DDX46: variants seen among roughly 807,000 people sequenced by gnomAD.
The protein encoded by DDX46 is DEAD-box helicase 46, also known as probable ATP-dependent RNA helicase DDX46.
DDX46 carries 30 observed loss-of-function variants against 134.9 expected under a neutral mutation model. The ratio of observed to expected loss-of-function variants is 0.22; its 90% CI spans 0.17 to 0.30. DDX46 has a LOEUF of 0.30. DDX46 is among the 10% of genes least tolerant of loss of function. DDX46 has a pLI of 1.00. For missense variants in DDX46, 622 were observed against 1,248.7 expected, an observed-to-expected ratio of 0.50 and a Z score of 7.56; for synonymous variants, 415 against 404.1, an observed-to-expected ratio of 1.03 and a Z score of -0.32.
rs551286341 is a variant in DDX46 at position 134,822,507 on chromosome 5, A to C, written c.2977+3503A>C. ...GCCACCATGCCTGGCTAATGAAAAA[A>C]ATTTTTTTTTCTAGAGACAGGGTCT... On this transcript the variant is annotated intron_variant, in intron 21 of 22. Coordinates refer to ENST00000452510, the MANE Select transcript of DDX46 (RefSeq NM_001300860.2). 7.1e-4 allele frequency among the ~76,000 whole-genome samples: 108 copies of C among 152,046 alleles called. 1 individual carries two copies. The highest frequency in any genetic ancestry group is 6.9e-3 in the Admixed American group (106 of 15,252).
At chr5:134,799,746 A>G (rs1435623851) in intron 15 of DDX46, among the ~76,000 whole-genome samples, 3 of 151,772 alleles carry the variant, frequency 2.0e-5, no homozygotes, top group Non-Finnish European at 2.9e-5. Context: ...CTCAAGAAAA[A>G]AAAAAAAAAA....
At chr5:134,825,727 C>A (rs1755572383) in intron 21 of DDX46, 1 of 152,174 alleles carries the variant, frequency 6.6e-6, no homozygotes, top group South Asian at 2.1e-4. Flanking sequence ...TCCATTGGCT[C>A]CAGATTCTAC....
intron 15 of DDX46, among the ~76,000 whole-genome samples, chr5:134,800,109 G>T (rs1212659689): frequency 1.3e-5 from 2 of 151,864 alleles, no homozygotes; most frequent in South Asian, 4.2e-4. Context: ...CGCCATGCCC[G>T]GCTAATTTTT....
At chr5:134,819,145 T>TG in intron 21 of DDX46, 141 bp downstream of exon 21, 1 of 878,850 alleles carries the variant, frequency 1.1e-6, no homozygotes, top group Non-Finnish European at 1.6e-6. Flanking sequence ...TTATGACATT[T>TG]GAGGTCTTTA....
Position 134,781,993 on chromosome 5 carries a change from C to T in DDX46, c.952C>T (p.Leu318=). ...GTATCAAACAAAACAGCGAAAGCTT[C>T]TAGAACCAGTTGATCATGGAAAAAT... ...TGYQTKQRKL[L]EPVDHGKIEY... The change falls in exon 8 of 23, where the codon CTA becomes TTA. Residue 318 remains leucine, a synonymous_variant. Transcript: ENST00000452510. The T allele has an allele frequency of 6.2e-7, 1 of 1,610,718 alleles. No homozygotes were observed. Among genetic ancestry groups the T allele is most frequent in the South Asian group, 1.1e-5 (1 of 90,548 alleles).
chr5:134,787,736 A>G (rs1440912676), intron 11 of DDX46, among the ~76,000 whole-genome samples: 1 of 152,264 alleles, frequency 6.6e-6, no homozygotes. Context: ...GTTGAACACT[A>G]TGGCTCATAC....
At chr5:134,816,903 C>A in intron 19 of DDX46, 1 of 264,904 alleles carries the variant, frequency 3.8e-6, no homozygotes, top group Non-Finnish European at 7.1e-6. Context: ...TTCTCTTTTT[C>A]TTTCTTTATC....
At chr5:134,768,357 G>A (rs989524343) in intron 3 of DDX46, among the ~76,000 whole-genome samples, 10 of 151,442 alleles carry the variant, frequency 6.6e-5, no homozygotes, top group Non-Finnish European at 8.8e-5. Context: ...TGATCCACCC[G>A]CCTCGGCCTC....
chr5:134,817,446 T>G, intron 19 of DDX46, 50 bp from the exon 20 acceptor site: 1 of 1,569,984 alleles, frequency 6.4e-7, no homozygotes, highest in Non-Finnish European at 8.7e-7. Context: ...TGGTCCCTAC[T>G]CTTGTCTCTG....
intron 8 of DDX46, 119 bp from the exon 9 acceptor site, chr5:134,782,826 G>A (rs1214263611): frequency 2.1e-5 from 27 of 1,292,448 alleles, no homozygotes; most frequent in Non-Finnish European, 2.7e-5. Flanking sequence ...AGGATTACAG[G>A]TGTGAGCCGC....
At chr5:134,771,798 G>A (rs1451090408) in intron 4 of DDX46, among the ~76,000 whole-genome samples, 1 of 152,086 alleles carries the variant, frequency 6.6e-6, no homozygotes, top group Non-Finnish European at 1.5e-5. Flanking sequence ...AGATAAAAAA[G>A]GAAGATTAAA....
At chr5:134,782,913 TA>T (rs1337466102) in intron 8 of DDX46, 31 bp from the exon 9 acceptor site, 2 of 1,604,840 alleles carry the variant, frequency 1.2e-6, no homozygotes, top group East Asian at 4.5e-5. Context: ...GAACAATATT[TA>T]AGAACTTTTA....
chr5:134,773,455 TC>T (rs1318784817), intron 4 of DDX46, among the ~76,000 whole-genome samples: 1 of 152,216 alleles, frequency 6.6e-6, no homozygotes, highest in African/African-American at 2.4e-5. Flanking sequence ...GTGTTTGAAA[TC>T]TATCTTTTGG....
At chr5:134,812,257 G>T (rs1057464566) in intron 18 of DDX46, among the ~76,000 whole-genome samples, 1 of 151,774 alleles carries the variant, frequency 6.6e-6, no homozygotes, top group South Asian at 2.1e-4. Flanking sequence ...TTGAGGCGGG[G>T]TTTAACCTTC....
intron 21 of DDX46, among the ~76,000 whole-genome samples, chr5:134,825,130 T>C (rs1419567349): frequency 6.6e-6 from 1 of 152,170 alleles, no homozygotes; most frequent in African/African-American, 2.4e-5. Context: ...GGAAAATTGA[T>C]TTTCCAGTTA....
At chr5:134,802,643 C>T (rs1013408636) in intron 15 of DDX46, among the ~76,000 whole-genome samples, 5 of 151,942 alleles carry the variant, frequency 3.3e-5, no homozygotes, top group African/African-American at 9.7e-5. Flanking sequence ...ATTTTCTAGA[C>T]GTTCCTTGTA....
rs757969298 is a variant in DDX46 at position 134,773,681 on chromosome 5, T to C, written c.448-15T>C. On this transcript the variant is annotated splice_polypyrimidine_tract_variant and intron_variant, in intron 4 of 22. Coordinates refer to ENST00000452510, the MANE Select transcript of DDX46 (RefSeq NM_001300860.2). ...TTATTTTCCCCCATCTCTTTCTTTCTTTTATTCCCCCAAGAACTTTGACCA... is the reference window on the plus strand; with the variant it reads ...TTATTTTCCCCCATCTCTTTCTTTCCTTTATTCCCCCAAGAACTTTGACCA... The C allele has an allele frequency of 1.9e-6, 3 of 1,563,498 alleles. No homozygotes were observed. In the South Asian group the frequency reaches 3.6e-5, roughly 19 times the overall value.
At chr5:134,762,927 C>G (rs775581289) in intron 1 of DDX46, among the ~76,000 whole-genome samples, 1 of 151,372 alleles carries the variant, frequency 6.6e-6, no homozygotes, top group South Asian at 2.1e-4. Context: ...GGCGTAATGG[C>G]GGACGCCTAT....
chr5:134,796,299 A>G, intron 15 of DDX46, 149 bp downstream of exon 15: 1 of 837,246 alleles, frequency 1.2e-6, no homozygotes, highest in Non-Finnish European at 1.8e-6. Flanking sequence ...TGGGAGTAAG[A>G]TTATTATTGT....
Sources: allele counts gnomAD v4.1 joint callset (sites outside exome capture counted in the v4.1 genomes callset), GRCh38; gene constraint gnomAD v4.1.1; transcripts MANE v1.5; gene names NCBI Gene and HGNC (gene_info 2026-07-23, HGNC 2026-07-21).